Variants in DPY19L2 observed in about 807,000 individuals in gnomAD.
The protein encoded by DPY19L2 is dpy-19 like 2.
Under a neutral mutation model 97.9 loss-of-function variants are expected in DPY19L2, and 34 were observed. The observed-to-expected ratio is 0.35, with a 90% CI of 0.26 to 0.46. The LOEUF is 0.46. Ranked by LOEUF, DPY19L2 falls within the 20% of genes least tolerant of loss-of-function variation. DPY19L2 has a pLI of 1.00. For synonymous variants in DPY19L2, 230 were observed against 307.9 expected, an observed-to-expected ratio of 0.75 and a Z score of 2.65; for missense variants, 623 against 911.4, an observed-to-expected ratio of 0.68 and a Z score of 4.07.
At chr12:63,599,081 G>T (rs1044793593) in intron 13 of DPY19L2, among the ~76,000 whole-genome samples, 1 of 151,532 alleles carries the variant, frequency 6.6e-6, no homozygotes. Flanking sequence ...GCTGAGGCAC[G>T]AGAATCGCTT....
intron 9 of DPY19L2, chr12:63,620,150 A>G (rs928386280): frequency 2.9e-5 from 9 of 310,922 alleles, no homozygotes; most frequent in African/African-American, 2.0e-4. Context: ...TCTTAGTATC[A>G]TGAAATGTCA....
At chr12:63,638,932 C>CA (rs201751702) in intron 6 of DPY19L2, among the ~76,000 whole-genome samples, 1,736 of 152,226 alleles carry the variant, frequency 0.011, 21 homozygotes, top group Middle Eastern at 0.041. Flanking sequence ...CTGGAGACAT[C>CA]ACGCTACCTG....
At chr12:63,595,490 A>T (rs1884052825) in intron 15 of DPY19L2, among the ~76,000 whole-genome samples, 1 of 152,204 alleles carries the variant, frequency 6.6e-6, no homozygotes. Context: ...TTAGCTATAC[A>T]GATTTCTTCT....
chr12:63,619,083 T>C (rs527410398), intron 9 of DPY19L2, among the ~76,000 whole-genome samples: 28 of 152,210 alleles, frequency 1.8e-4, no homozygotes, highest in African/African-American at 6.5e-4. Flanking sequence ...CTTTAAACTA[T>C]GCTTCAAATG....
At chr12:63,661,153 C>T in intron 4 of DPY19L2, 191 bp downstream of exon 4, 1 of 433,966 alleles carries the variant, frequency 2.3e-6, no homozygotes, top group Non-Finnish European at 3.8e-6. Context: ...TCTTCGAGTT[C>T]ATGAGAGAAC....
At chr12:63,591,429 T>C (rs572549681) in intron 16 of DPY19L2, among the ~76,000 whole-genome samples, 6 of 152,306 alleles carry the variant, frequency 3.9e-5, no homozygotes, top group Non-Finnish European at 8.8e-5. Flanking sequence ...AATATACCCA[T>C]ATAACAAGAC....
At chr12:63,615,036 C>T (rs961528227) in intron 11 of DPY19L2, among the ~76,000 whole-genome samples, 1 of 152,126 alleles carries the variant, frequency 6.6e-6, no homozygotes, top group African/African-American at 2.4e-5. Flanking sequence ...AGTATGCTAT[C>T]AGACCACGAG....
rs772801195 is a variant in DPY19L2 at position 63,600,329 on chromosome 12, T to C, written c.1336A>G (p.Lys446Glu). 1.2e-6 allele frequency: 2 copies of C among 1,608,990 alleles called. No individual in the cohort carries two copies. Among genetic ancestry groups the C allele is most frequent in the South Asian group, 2.2e-5 (2 of 90,908 alleles). Residue 446 changes from lysine (K) to glutamate (E), a missense_variant, in exon 13 of 22, where the codon AAA becomes GAA. Physicochemically the swap from Lys to Glu is moderately conservative, Grantham distance 56. Transcript: ENST00000324472. ...GTIILKFLTS[K>E]ILGVSDHIRL... ...ACGTGGTCTGAAACGCCTAAGATTT[T>C]AGATGTCAGAAATTTCAAAATGATT...
chr12:63,585,734 G>T (rs1881684422), intron 16 of DPY19L2, among the ~76,000 whole-genome samples: 1 of 152,008 alleles, frequency 6.6e-6, no homozygotes, highest in Non-Finnish European at 1.5e-5. Flanking sequence ...CCAAGACACA[G>T]ATATCATGAA....
At chr12:63,642,113 T>C (rs1892782870) in intron 6 of DPY19L2, among the ~76,000 whole-genome samples, 1 of 152,132 alleles carries the variant, frequency 6.6e-6, no homozygotes, top group African/African-American at 2.4e-5. Context: ...CTTTCTTCTT[T>C]ATCTTCCCAC....
chr12:63,661,150 G>T, intron 4 of DPY19L2, 194 bp downstream of exon 4: 1 of 425,314 alleles, frequency 2.4e-6, no homozygotes, highest in Non-Finnish European at 3.9e-6. Flanking sequence ...CATTCTTCGA[G>T]TTCATGAGAG....
intron 6 of DPY19L2, among the ~76,000 whole-genome samples, chr12:63,629,786 G>A (rs1046788196): frequency 6.6e-6 from 1 of 152,146 alleles, no homozygotes; most frequent in Non-Finnish European, 1.5e-5. Flanking sequence ...AAATGGAAAT[G>A]CAGGAAAAAC....
intron 21 of DPY19L2, among the ~76,000 whole-genome samples, chr12:63,563,706 T>G (rs1044982679): frequency 1.3e-5 from 2 of 152,162 alleles, no homozygotes; most frequent in Non-Finnish European, 2.9e-5. Flanking sequence ...CATGATAAAT[T>G]TTGATTGGTT....
At chr12:63,630,695 C>T (rs1187068668) in intron 6 of DPY19L2, among the ~76,000 whole-genome samples, 1 of 151,988 alleles carries the variant, frequency 6.6e-6, no homozygotes, top group African/African-American at 2.4e-5. Context: ...AGGAATTGAA[C>T]TCAGCTCTGC....
chr12:63,627,074 G>A (rs1889684133), intron 6 of DPY19L2, among the ~76,000 whole-genome samples: 2 of 152,138 alleles, frequency 1.3e-5, no homozygotes, highest in Admixed American at 1.3e-4. Context: ...ACTGTGCCCA[G>A]CCACATAAAA....
chr12:63,583,314 T>G (rs1881259163), intron 17 of DPY19L2, among the ~76,000 whole-genome samples: 1 of 152,208 alleles, frequency 6.6e-6, no homozygotes, highest in South Asian at 2.1e-4. Flanking sequence ...ATCTTTTCCT[T>G]TTTATGCCAC....
At chr12:63,664,530 A>AT (rs1248237327) in intron 2 of DPY19L2, among the ~76,000 whole-genome samples, 1 of 152,146 alleles carries the variant, frequency 6.6e-6, no homozygotes, top group African/African-American at 2.4e-5. Flanking sequence ...GGTTCAGAAT[A>AT]TAATTTTAAG....
chr12:63,580,779 T>C lies in DPY19L2; in HGVS notation c.1783A>G (p.Thr595Ala), dbSNP rs753828638. 1 of 1,613,642 alleles carries C rather than the reference T, an allele frequency of 6.2e-7. No individual in the cohort carries two copies. The highest frequency in any genetic ancestry group is 8.5e-7 in the Non-Finnish European group (1 of 1,179,686). ...RFEKVIFGILTVMSIQGYANL... is the reference protein window; with the variant it reads ...RFEKVIFGILAVMSIQGYANL... ...GCATAACCTTGTATTGACATCACTGTTAAAATGCCAAAGATAACCTTCTCA... is the reference window on the plus strand; with the variant it reads ...GCATAACCTTGTATTGACATCACTGCTAAAATGCCAAAGATAACCTTCTCA... The change falls in exon 19 of 22, where the codon ACA (threonine) becomes GCA (alanine). Residue 595 changes from threonine to alanine, a missense_variant. By Grantham distance (58) the Thr-to-Ala change is moderately conservative. Transcript: ENST00000324472.
chr12:63,580,825 C>G lies in DPY19L2; in HGVS notation c.1737G>C (p.Trp579Cys). 2 of 1,611,662 alleles carry G rather than the reference C, an allele frequency of 1.2e-6. No homozygotes were observed. Among genetic ancestry groups the G allele is most frequent in the Non-Finnish European group, 1.7e-6 (2 of 1,179,104 alleles). The change falls in exon 19 of 22, where the codon TGG becomes TGC. Residue 579 changes from tryptophan to cysteine, a missense_variant. By Grantham distance (215) the Trp-to-Cys change is radical. Around this residue, in one of 6 missense-constraint regions of DPY19L2, gnomAD observed 294 missense variants for 446.2 expected, o/e 0.66. Transcript: ENST00000324472. Reference sequence around the variant, plus strand: ...TCTCAAAACGAACTCTGCGAAAAAGCCAGCCAAAGAGCTGAAACGAAAGAA... The same window carrying G: ...TCTCAAAACGAACTCTGCGAAAAAGGCAGCCAAAGAGCTGAAACGAAAGAA... ...SLICSRQLFG[W>C]LFRRVRFEKV...
Sources: allele counts gnomAD v4.1 joint callset (sites outside exome capture counted in the v4.1 genomes callset), GRCh38; gene constraint gnomAD v4.1.1; regional missense constraint gnomAD v4.1.1; transcripts MANE v1.5; gene names NCBI Gene and HGNC (gene_info 2026-07-23, HGNC 2026-07-21).